The following DCDC1 variants were observed in gnomAD, a reference collection of about 807,000 sequenced individuals.
DCDC1 encodes the protein doublecortin domain containing 1, also known as doublecortin domain-containing protein 1.
DCDC1 carries 200 observed loss-of-function variants against 178.3 expected under a neutral mutation model. That is an observed-to-expected ratio of 1.12 (90% CI 1.00 to 1.26). The LOEUF (loss-of-function observed/expected upper bound fraction) is 1.26, where lower values mean the gene tolerates loss of function less well. Ranked by LOEUF, DCDC1 falls within the 50% of genes most tolerant of loss-of-function variation. DCDC1 has a pLI of 0.00. For missense variants in DCDC1, 1,983 were observed against 1,749.2 expected (o/e 1.13, Z -2.38); for synonymous variants, 690 against 604.8 (o/e 1.14, Z -2.07).
intron 21 of DCDC1, among the ~76,000 whole-genome samples, chr11:30,948,317 AAGG>A (rs1384553857): frequency 1.3e-5 from 2 of 152,324 alleles, no homozygotes; most frequent in South Asian, 4.1e-4. Flanking sequence ...GGACCTCTTC[AAGG>A]AGAACTACAA....
intron 15 of DCDC1, among the ~76,000 whole-genome samples, chr11:31,095,526 G>T (rs1958094763): frequency 6.6e-6 from 1 of 152,166 alleles, no homozygotes; most frequent in South Asian, 2.1e-4. Context: ...TAAGGGTAGA[G>T]GATAACAGAT....
chr11:30,920,954 A>G lies in DCDC1; in HGVS notation c.3134-19T>C, dbSNP rs1237778407. The G allele has an allele frequency of 2.5e-6, 4 of 1,599,022 alleles. No homozygotes were observed. The highest frequency in any genetic ancestry group is 3.4e-6 in the Non-Finnish European group (4 of 1,171,932). ...ACAAGAGCTGAGCAGAAATTCACAAATTGCAAAGACATATTACTTACAATT... is the reference window on the plus strand; with the variant it reads ...ACAAGAGCTGAGCAGAAATTCACAAGTTGCAAAGACATATTACTTACAATT... On this transcript the variant is annotated intron_variant, in intron 24 of 38. Coordinates refer to ENST00000684477, the MANE Select transcript of DCDC1 (RefSeq NM_001387274.1).
At chr11:30,924,967 G>GGAGGCTGA (rs1404125440) in intron 23 of DCDC1, among the ~76,000 whole-genome samples, 1 of 152,034 alleles carries the variant, frequency 6.6e-6, no homozygotes, top group African/African-American at 2.4e-5. Flanking sequence ...CAGCTACTCT[G>GGAGGCTGA]GAGGCTGAGG....
At chr11:30,873,364 T>TATAGAGAGAGAGAGAG (rs1228106379) in intron 38 of DCDC1, among the ~76,000 whole-genome samples, 4 of 137,084 alleles carry the variant, frequency 2.9e-5, no homozygotes, top group African/African-American at 1.1e-4. Context: ...TATATATATA[T>TATAGAGAGAGAGAGAG]AGAGAGAGAG....
chr11:30,904,294 T>C (rs1261748486), intron 31 of DCDC1: 3 of 152,528 alleles, frequency 2.0e-5, no homozygotes, highest in East Asian at 3.8e-4. Flanking sequence ...GGAATAGATA[T>C]GTGCGCTTGC....
chr11:30,991,380 T>A (rs774364729), intron 20 of DCDC1, among the ~76,000 whole-genome samples: 3 of 152,172 alleles, frequency 2.0e-5, no homozygotes, highest in Non-Finnish European at 4.4e-5. Context: ...GTCACCAGGC[T>A]TAGTTGGGTA....
chr11:31,291,955 G>A (rs1005877739), intron 6 of DCDC1, among the ~76,000 whole-genome samples: 2 of 151,722 alleles, frequency 1.3e-5, no homozygotes, highest in African/African-American at 2.4e-5. Flanking sequence ...AATAACCTTC[G>A]AGTCTCACAA....
At chr11:30,971,328 T>C (rs11031254) in intron 20 of DCDC1, among the ~76,000 whole-genome samples, 36,426 of 151,808 alleles carry the variant, frequency 0.24, 4,983 homozygotes, top group Middle Eastern at 0.36. Context: ...TAGTGAAAAA[T>C]AAATTATGAA....
rs1954907472 is a variant in DCDC1 at position 31,047,301 on chromosome 11, T to A, written c.2591+17168A>T. Among the ~76,000 whole-genome samples, 7 of 152,212 alleles carry A rather than the reference T, an allele frequency of 4.6e-5. No homozygotes were observed. In the South Asian group the frequency reaches 1.5e-3, roughly 32 times the overall value. ...GTAAGGAAAACATGTTCACAGAAAA[T>A]CTTAATGTCTGTTATTGTGTTGTCA... On this transcript the variant is annotated intron_variant, in intron 20 of 38. Transcript: ENST00000684477.
intron 3 of DCDC1, among the ~76,000 whole-genome samples, chr11:31,321,340 TG>T (rs1949334776): frequency 1.6e-5 from 2 of 125,082 alleles, no homozygotes; most frequent in Non-Finnish European, 3.4e-5. Flanking sequence ...GAGCCAGGTG[TG>T]GGATATAGTC....
chr11:31,311,797 T>A (rs1948785980), intron 3 of DCDC1, among the ~76,000 whole-genome samples: 1 of 152,218 alleles, frequency 6.6e-6, no homozygotes, highest in Middle Eastern at 3.2e-3. Context: ...CCTCCCCATT[T>A]ATTTCTGAGA....
chr11:30,976,350 A>G (rs1259370308), intron 20 of DCDC1, among the ~76,000 whole-genome samples: 1 of 152,188 alleles, frequency 6.6e-6, no homozygotes, highest in Non-Finnish European at 1.5e-5. Context: ...ATTAAACTAA[A>G]AAGCTTCTGC....
intron 7 of DCDC1, among the ~76,000 whole-genome samples, chr11:31,288,108 A>G (rs1035585637): frequency 6.6e-6 from 1 of 152,002 alleles, no homozygotes; most frequent in African/African-American, 2.4e-5. Flanking sequence ...CCACACAGCC[A>G]TCAATTATCT....
At chr11:31,282,464 G>A (rs1188154722) in intron 7 of DCDC1, among the ~76,000 whole-genome samples, 2 of 151,232 alleles carry the variant, frequency 1.3e-5, no homozygotes, top group African/African-American at 4.8e-5. Context: ...ACATGAAAGG[G>A]AGTTTAATGT....
At chr11:30,913,900 A>G (rs1290654682) in intron 27 of DCDC1, among the ~76,000 whole-genome samples, 1 of 152,224 alleles carries the variant, frequency 6.6e-6, no homozygotes, top group African/African-American at 2.4e-5. Context: ...TTTATCAGCC[A>G]TGCTCAAATT....
intron 1 of DCDC1, among the ~76,000 whole-genome samples, chr11:31,352,092 T>C (rs1951102367): frequency 6.6e-6 from 1 of 152,138 alleles, no homozygotes; most frequent in Non-Finnish European, 1.5e-5. Context: ...TCCAATTTGC[T>C]TCAACAAAAA....
At chr11:31,345,559 A>G (rs947977483) in intron 1 of DCDC1, among the ~76,000 whole-genome samples, 1 of 152,088 alleles carries the variant, frequency 6.6e-6, no homozygotes, top group Non-Finnish European at 1.5e-5. Flanking sequence ...AGGTAATTCC[A>G]CTGGCCAAAA....
At chr11:31,136,903 C>A (rs1440081695) in intron 10 of DCDC1, among the ~76,000 whole-genome samples, 1 of 152,110 alleles carries the variant, frequency 6.6e-6, no homozygotes, top group African/African-American at 2.4e-5. Context: ...CCTACAGAAT[C>A]TTCTGATTAG....
chr11:31,106,663 A>AC (rs932276132), intron 13 of DCDC1, 134 bp downstream of exon 13: 57 of 657,964 alleles, frequency 8.7e-5, no homozygotes, highest in Non-Finnish European at 1.4e-4. Flanking sequence ...CCTTGCAAAA[A>AC]CACCTCTAAA....
Sources: allele counts gnomAD v4.1 joint callset (sites outside exome capture counted in the v4.1 genomes callset), GRCh38; gene constraint gnomAD v4.1.1; transcripts MANE v1.5; gene names NCBI Gene and HGNC (gene_info 2026-07-23, HGNC 2026-07-21).